The following PCDHA12 variants were observed in gnomAD, a reference collection of about 807,000 sequenced individuals.
PCDHA12 encodes protocadherin alpha 12.
In PCDHA12, 44 loss-of-function variants were observed where a neutral mutation model predicts 60.0. The observed-to-expected ratio is 0.73, with a 90% CI of 0.58 to 0.94. The LOEUF (loss-of-function observed/expected upper bound fraction) is 0.94. Among genes scored for constraint, PCDHA12 ranks in the 40% least tolerant of loss-of-function variants. PCDHA12 has a pLI of 0.00. For missense variants in PCDHA12, 1,276 were observed against 1,239.7 expected, an observed-to-expected ratio of 1.03 and a Z score of -0.44; for synonymous variants, 569 against 553.0, an observed-to-expected ratio of 1.03 and a Z score of -0.40.
At position 140,875,921 on chromosome 5, in the gene PCDHA12, C is replaced by G; in HGVS notation, c.449C>G (p.Ser150Cys). The change falls in exon 1 of 4, where the codon TCT becomes TGT. Residue 150 changes from serine to cysteine, a missense_variant. Coordinates refer to ENST00000398631, the MANE Select transcript of PCDHA12 (RefSeq NM_018903.4). ...GTTTCTGAATCTGCGCCTCTGGACT[C>G]TCATTTTCCTCTAGAGGGCGCTTCT... ...VPVSESAPLD[S>C]HFPLEGASDA... 1 of 1,614,228 alleles carries G rather than the reference C, an allele frequency of 6.2e-7. No individual in the cohort carries two copies.
intron 2 of PCDHA12, among the ~76,000 whole-genome samples, chr5:140,979,916 A>C (rs369427870): frequency 4.1e-4 from 63 of 152,376 alleles, no homozygotes; most frequent in African/African-American, 1.4e-3. Context: ...CGTAAAGAGA[A>C]AGCCTACAAA....
At chr5:140,967,091 G>A (rs782261207) in intron 1 of PCDHA12, 1 of 1,613,196 alleles carries the variant, frequency 6.2e-7, no homozygotes. Context: ...TGATCGGGAG[G>A]CGCTGTGTGA....
intron 1 of PCDHA12, chr5:140,884,465 G>C (rs782791774): frequency 1.2e-6 from 2 of 1,613,634 alleles, no homozygotes; most frequent in Admixed American, 3.3e-5. Context: ...GGGCGCGTGC[G>C]CGCCGGGCAA....
At chr5:140,885,482 G>A (rs1174553739) in intron 1 of PCDHA12, among the ~76,000 whole-genome samples, 1 of 152,150 alleles carries the variant, frequency 6.6e-6, no homozygotes, top group Non-Finnish European at 1.5e-5. Context: ...TTTGTGTCAA[G>A]TGTTCTGTTA....
chr5:140,895,428 C>A (rs2065003978), intron 1 of PCDHA12, among the ~76,000 whole-genome samples: 1 of 152,154 alleles, frequency 6.6e-6, no homozygotes, highest in Non-Finnish European at 1.5e-5. Flanking sequence ...TTTGCTTCCT[C>A]CTGAGACTCT....
intron 1 of PCDHA12, among the ~76,000 whole-genome samples, chr5:140,920,281 A>G (rs1227812998): frequency 6.6e-6 from 1 of 152,176 alleles, no homozygotes; most frequent in Admixed American, 6.5e-5. Flanking sequence ...GTAATCTTAT[A>G]TTTTTTAGAG....
intron 1 of PCDHA12, chr5:140,883,019 G>A (rs1554176509): frequency 1.2e-6 from 2 of 1,613,986 alleles, no homozygotes; most frequent in South Asian, 1.1e-5. Flanking sequence ...TAAAGTGACG[G>A]TGTTAGAGAA....
rs139860906 is a variant in PCDHA12, at chr5:140,989,355, C to T, written c.2515+6792C>T. On this transcript the variant is annotated intron_variant, in intron 3 of 3. Transcript: ENST00000398631. Reference sequence around the variant, plus strand: ...CTGACTCAGCTCAAAGGTGATAGGTCACCTGTGTGACTGAGAGCTTTGTGG... The same window carrying T: ...CTGACTCAGCTCAAAGGTGATAGGTTACCTGTGTGACTGAGAGCTTTGTGG... Among the ~76,000 whole-genome samples the T allele has an allele frequency of 1.6e-4, 25 of 152,258 alleles. No individual in the cohort carries two copies. In the East Asian group the frequency reaches 4.4e-3, roughly 27 times the overall value.
At chr5:140,926,483 A>C (rs1261469017) in intron 1 of PCDHA12, 4 of 168,788 alleles carry the variant, frequency 2.4e-5, no homozygotes, top group East Asian at 1.7e-4. Flanking sequence ...TAAGGAGAGA[A>C]GTGTTAGTGT....
At chr5:140,958,868 A>G (rs2095446207) in intron 1 of PCDHA12, among the ~76,000 whole-genome samples, 2 of 152,108 alleles carry the variant, frequency 1.3e-5, no homozygotes, top group Non-Finnish European at 2.9e-5. Context: ...CTGGGTTTAT[A>G]AAAGAATTGA....
chr5:140,927,920 T>G (rs782193396), intron 1 of PCDHA12: 1 of 1,614,120 alleles, frequency 6.2e-7, no homozygotes, highest in Non-Finnish European at 8.5e-7. Flanking sequence ...CTGGACTTCC[T>G]GACTCTTTCG....
intron 1 of PCDHA12, among the ~76,000 whole-genome samples, chr5:140,903,428 T>C (rs954463543): frequency 2.0e-5 from 3 of 152,210 alleles, no homozygotes; most frequent in Non-Finnish European, 4.4e-5. Flanking sequence ...CAGCACAATA[T>C]GTATCAGTGG....
At chr5:140,935,850 G>A (rs2090589549) in intron 1 of PCDHA12, among the ~76,000 whole-genome samples, 1 of 149,422 alleles carries the variant, frequency 6.7e-6, no homozygotes, top group South Asian at 2.1e-4. Context: ...GCTTAATGGT[G>A]TCTTTTGATT....
chr5:140,967,576 A>T (rs2096159229), intron 1 of PCDHA12: 1 of 1,613,838 alleles, frequency 6.2e-7, no homozygotes, highest in African/African-American at 1.3e-5. Context: ...GGGAGGACTC[A>T]CCCCCAGGCA....
chr5:140,921,203 G>A (rs782776779), intron 1 of PCDHA12, among the ~76,000 whole-genome samples: 22 of 151,476 alleles, frequency 1.5e-4, no homozygotes, highest in Non-Finnish European at 2.7e-4. Context: ...GATTGACAAC[G>A]ATAATTCACG....
chr5:140,993,462 TCACA>T (rs3836747), intron 3 of PCDHA12, among the ~76,000 whole-genome samples: 18,508 of 140,892 alleles, frequency 0.13, 1,341 homozygotes, highest in African/African-American at 0.21. Flanking sequence ...TCTTTCTTTC[TCACA>T]CACACACACA....
chr5:140,882,676 C>T (rs1458440894), intron 1 of PCDHA12: 18 of 1,614,060 alleles, frequency 1.1e-5, no homozygotes, highest in Admixed American at 3.3e-5. Context: ...TCCCTGAAAG[C>T]AAGAAACGAA....
chr5:140,984,981 A>G (rs2097130201), intron 3 of PCDHA12, among the ~76,000 whole-genome samples: 1 of 151,972 alleles, frequency 6.6e-6, no homozygotes, highest in South Asian at 2.1e-4. Flanking sequence ...TCTGTCCCCC[A>G]GGCTGGAGTC....
At chr5:140,924,767 C>T (rs782265529) in intron 1 of PCDHA12, among the ~76,000 whole-genome samples, 3 of 151,618 alleles carry the variant, frequency 2.0e-5, no homozygotes, top group South Asian at 2.1e-4. Flanking sequence ...TGGTGGTGCG[C>T]GCTTGTAGTC....
Sources: allele counts gnomAD v4.1 joint callset (sites outside exome capture counted in the v4.1 genomes callset), GRCh38; gene constraint gnomAD v4.1.1; transcripts MANE v1.5; gene names NCBI Gene and HGNC (gene_info 2026-07-23, HGNC 2026-07-21).